Variants in PLEKHH1 observed in about 807,000 individuals in gnomAD.
PLEKHH1 encodes the protein pleckstrin homology, MyTH4 and FERM domain containing H1, also known as pleckstrin homology domain-containing family H member 1.
Under a neutral mutation model 160.0 loss-of-function variants are expected in PLEKHH1, and 104 were observed. The observed-to-expected ratio is 0.65, with a 90% CI of 0.55 to 0.76. The LOEUF is 0.76. Among genes scored for constraint, PLEKHH1 ranks in the 30% least tolerant of loss-of-function variants. The pLI, the probability that PLEKHH1 is intolerant of heterozygous loss-of-function variation, is 0.00. For synonymous variants in PLEKHH1, 619 were observed against 678.4 expected (o/e 0.91, Z 1.36); for missense variants, 1,427 against 1,724.1 (o/e 0.83, Z 3.05).
intron 26 of PLEKHH1, 40 bp downstream of exon 26, chr14:67,584,164 T>G: frequency 6.3e-7 from 1 of 1,595,012 alleles, no homozygotes; most frequent in Non-Finnish European, 8.6e-7. Context: ...CCCTTAGGTG[T>G]GTCCCCAACT....
At position 67,589,073 on chromosome 14, in the gene PLEKHH1, A is replaced by C. The variant is rs1034291786; in HGVS notation, c.*1838A>C. 3.3e-5 allele frequency: 5 copies of C among 152,764 alleles called. No individual in the cohort carries two copies. Among genetic ancestry groups the C allele is most frequent in the African/African-American group, 1.2e-4 (5 of 41,452 alleles). 9.5% of individuals were successfully genotyped at this position (152,764 alleles called of 1,614,324 possible). A position where few individuals can be genotyped will look rare whatever the true frequency, so the allele number is the denominator to read the frequency against. Reference sequence around the variant, plus strand: ...AATTCCTGCAGGGCTGGTGACAGACATAACAGCTCTGGTTTTATAATATCT... The same window carrying C: ...AATTCCTGCAGGGCTGGTGACAGACCTAACAGCTCTGGTTTTATAATATCT... On this transcript the variant is annotated 3_prime_UTR_variant, in exon 29 of 29. Coordinates refer to ENST00000329153, the MANE Select transcript of PLEKHH1 (RefSeq NM_020715.3).
intron 1 of PLEKHH1, among the ~76,000 whole-genome samples, chr14:67,540,367 T>C (rs2033915260): frequency 6.6e-6 from 1 of 152,160 alleles, no homozygotes; most frequent in Non-Finnish European, 1.5e-5. Context: ...GGCTCACACC[T>C]GTAATCCCAG....
intron 4 of PLEKHH1, among the ~76,000 whole-genome samples, chr14:67,559,228 A>G (rs1479533767): frequency 6.6e-6 from 1 of 151,856 alleles, no homozygotes. Flanking sequence ...AAGGTAACAC[A>G]TGCTTATAGT....
In PLEKHH1 at chr14:67,583,786, G is replaced by A; in HGVS notation, c.3472G>A (p.Gly1158Ser). The A allele has an allele frequency of 6.2e-7, 1 of 1,612,720 alleles. No individual in the cohort carries two copies. The highest frequency in any genetic ancestry group is 1.1e-5 in the South Asian group (1 of 90,804). The change falls in exon 25 of 29, where the codon GGC (glycine) becomes AGC (serine). Residue 1158 changes from glycine (G) to serine (S), a missense_variant. Gly to Ser is a moderately conservative substitution (Grantham distance 56). This residue lies in a region of PLEKHH1 where 436 missense variants were observed against 607.5 expected (regional missense o/e 0.72). Coordinates refer to ENST00000329153, the MANE Select transcript of PLEKHH1 (RefSeq NM_020715.3). The part of the protein sequence containing the change: ...LEKPALPGPG[G>S]TSPAKAQHLL... ...GAAGCCTGCCCTGCCAGGCCCTGGA[G>A]GCACATCCCCTGCCAAGGCTCAGCA...
At chr14:67,584,410 AT>A (rs1202004552) in intron 26 of PLEKHH1, among the ~76,000 whole-genome samples, 1 of 152,120 alleles carries the variant, frequency 6.6e-6, no homozygotes, top group South Asian at 2.1e-4. Context: ...GAGTGCTTTC[AT>A]TTTTTTTAAA....
Position 67,582,215 on chromosome 14 carries a change from G to A in PLEKHH1, c.3426+5G>A. 6.2e-7 allele frequency: 1 copy of A among 1,613,706 alleles called. No homozygotes were observed. Among genetic ancestry groups the A allele is most frequent in the Non-Finnish European group, 8.5e-7 (1 of 1,179,878 alleles). ...ATGGCTGCCCTGATGGCCCAGGTAA[G>A]GTTCTGTTCAGGAAGCAGGAGGGTC... is the stretch of plus-strand genomic sequence containing the variant. On this transcript the variant is annotated splice_donor_5th_base_variant and intron_variant, in intron 24 of 28. Coordinates refer to ENST00000329153, the MANE Select transcript of PLEKHH1 (RefSeq NM_020715.3). The surrounding 1 kb of genome is among the most constrained non-coding windows in gnomAD (Gnocchi z 5.0).
At chr14:67,572,811 T>G (rs1201404677) in intron 11 of PLEKHH1, among the ~76,000 whole-genome samples, 1 of 152,176 alleles carries the variant, frequency 6.6e-6, no homozygotes, top group Non-Finnish European at 1.5e-5. Flanking sequence ...ATCATCTCCC[T>G]GGCTCCATGA....
intron 7 of PLEKHH1, among the ~76,000 whole-genome samples, 171 bp downstream of exon 7, chr14:67,563,065 C>T (rs529098601): frequency 4.7e-4 from 72 of 152,334 alleles, no homozygotes; most frequent in African/African-American, 1.7e-3. Context: ...TGAGGGTCAG[C>T]GCCAGAATTC....
rs45515191 is a variant in PLEKHH1, at chr14:67,576,463, G to A, written c.2421G>A (p.Glu807=). The A allele has an allele frequency of 6.7e-3, 10,772 of 1,607,552 alleles. 61 individuals are homozygous for A. The highest frequency in any genetic ancestry group is 8.9e-3 in the Admixed American group (534 of 59,994). The change falls in exon 17 of 29, where the codon GAG becomes GAA. Residue 807 remains glutamate (E), a synonymous_variant. Coordinates refer to ENST00000329153, the MANE Select transcript of PLEKHH1 (RefSeq NM_020715.3). The surrounding 1 kb of genome is among the most constrained non-coding windows in gnomAD (Gnocchi z 4.0). ...GSSAKVGTAY[E]QLIGKLMDGE... is the part of the protein sequence containing the mutation. ...GTGCCAAGGTGGGCACTGCCTATGA[G>A]CAGCTCATTGGAAAACTGATGGATG...
Position 67,582,678 on chromosome 14 carries a change from A to G in PLEKHH1, c.3426+468A>G, listed in dbSNP as rs567077805. On this transcript the variant is annotated intron_variant, in intron 24 of 28. Transcript: ENST00000329153. The surrounding 1 kb of genome is among the most constrained non-coding windows in gnomAD (Gnocchi z 5.0). ...AAAAAAAATAAAATAAAATAAAATA[A>G]AAATAAAAATTAGCTGGGTGTGGTG... is the stretch of plus-strand genomic sequence containing the variant. Among the ~76,000 whole-genome samples the G allele has an allele frequency of 8.6e-4, 131 of 152,220 alleles. No homozygotes were observed. Among genetic ancestry groups the G allele is most frequent in the Admixed American group, 1.6e-3 (25 of 15,284 alleles).
chr14:67,579,233 G>A lies in PLEKHH1; in HGVS notation c.2949G>A (p.Val983=). ...CCAGGCCATCGCGCATGGAAGTGGT[G>A]TCCATCCTGCTGCGTAACCCCTTCC... ...REARPSRMEV[V]SILLRNPFHH... Residue 983 remains valine (V), a synonymous_variant, in exon 21 of 29, where the codon GTG becomes GTA. Coordinates refer to ENST00000329153, the MANE Select transcript of PLEKHH1 (RefSeq NM_020715.3). 6.2e-7 allele frequency: 1 copy of A among 1,610,586 alleles called. No individual in the cohort carries two copies. Among genetic ancestry groups the A allele is most frequent in the Non-Finnish European group, 8.5e-7 (1 of 1,178,644 alleles).
chr14:67,570,475 T>C lies in PLEKHH1; in HGVS notation c.1434+463T>C, dbSNP rs114207039. The C allele has an allele frequency of 7.0e-3, 1,265 of 181,614 alleles. 26 individuals are homozygous for C. The highest frequency in any genetic ancestry group is 0.028 in the African/African-American group (1,194 of 42,036). The allele number at this position is 181,614 out of a possible 1,614,324, so 11.3% of individuals were successfully genotyped here. A position where few individuals can be genotyped will look rare whatever the true frequency, so the allele number is the denominator to read the frequency against. ...TAGTAATACTTGATAAAATTTTTTATAGAAGAATAAAAAACCAAAAGTGAA... is the reference window on the plus strand; with the variant it reads ...TAGTAATACTTGATAAAATTTTTTACAGAAGAATAAAAAACCAAAAGTGAA... On this transcript the variant is annotated intron_variant, in intron 9 of 28. Coordinates refer to ENST00000329153, the MANE Select transcript of PLEKHH1 (RefSeq NM_020715.3).
At chr14:67,559,417 GACT>G (rs1566736792) in intron 4 of PLEKHH1, among the ~76,000 whole-genome samples, 188 bp from the exon 5 acceptor site, 2 of 152,094 alleles carry the variant, frequency 1.3e-5, no homozygotes, top group African/African-American at 4.8e-5. Flanking sequence ...TGAACACTTA[GACT>G]ATTTCCAGTT....
Position 67,578,102 on chromosome 14 carries a change from A to AG in PLEKHH1, c.2656dup (p.Val886GlyfsTer11). ...GTGTCCCTGGCCCAGACCGCACTGCAGGTCTGCCTGGTTCACCCCGAGCTG... is the reference window on the plus strand; with the variant it reads ...GTGTCCCTGGCCCAGACCGCACTGCAGGGTCTGCCTGGTTCACCCCGAGCTG... On this transcript the variant is annotated frameshift_variant, in exon 19 of 29. Coordinates refer to ENST00000329153, the MANE Select transcript of PLEKHH1 (RefSeq NM_020715.3). LOFTEE classifies it high-confidence loss of function. This position sits in a 1 kb window ranked among gnomAD's most constrained non-coding sequence, Gnocchi z 5.0. 1 of 1,613,332 alleles carries AG rather than the reference A, an allele frequency of 6.2e-7. No individual in the cohort carries two copies. Among genetic ancestry groups the AG allele is most frequent in the Non-Finnish European group, 8.5e-7 (1 of 1,179,358 alleles).
intron 17 of PLEKHH1, 93 bp from the exon 18 acceptor site, chr14:67,577,209 A>G (rs929250754): frequency 3.7e-6 from 3 of 815,692 alleles, no homozygotes; most frequent in South Asian, 1.5e-5. Flanking sequence ...ATAAACCACT[A>G]TCTTCCCCAT....
chr14:67,573,385 C>G lies in PLEKHH1; in HGVS notation c.1838C>G (p.Pro613Arg). The part of the protein sequence containing the change: ...RQGQIMYYKS[P>R]SDVIRKPQGQ... Reference sequence around the variant, plus strand: ...GGACAGATTATGTACTACAAGTCCCCGGTGAGAGTCTCCCCGCCCAGCACT... The same window carrying G: ...GGACAGATTATGTACTACAAGTCCCGGGTGAGAGTCTCCCCGCCCAGCACT... The change falls in exon 12 of 29, where the codon CCG becomes CGG. Residue 613 changes from proline to arginine, a missense_variant and splice_region_variant. Pro to Arg is a moderately radical substitution (Grantham distance 103). Transcript: ENST00000329153. The surrounding 1 kb of genome is among the most constrained non-coding windows in gnomAD (Gnocchi z 4.8). The G allele has an allele frequency of 6.4e-7, 1 of 1,560,490 alleles. No homozygotes were observed. The highest frequency in any genetic ancestry group is 8.8e-7 in the Non-Finnish European group (1 of 1,131,222).
chr14:67,586,350 CT>C (rs1335583060), intron 28 of PLEKHH1: 1 of 1,434,908 alleles, frequency 7.0e-7, no homozygotes, highest in Non-Finnish European at 9.3e-7. Context: ...TTCACTTTTT[CT>C]TTTTTATTCT....
chr14:67,581,954 A>G, intron 23 of PLEKHH1, 115 bp from the exon 24 acceptor site: 3 of 1,033,808 alleles, frequency 2.9e-6, no homozygotes, highest in Non-Finnish European at 4.2e-6. Context: ...AGGCTCATAA[A>G]TAGTGGGAAA....
chr14:67,577,692 A>G (rs1028996097), intron 18 of PLEKHH1, among the ~76,000 whole-genome samples: 3 of 152,162 alleles, frequency 2.0e-5, no homozygotes, highest in Admixed American at 1.3e-4. Context: ...GGCGAGGTTT[A>G]TGTTGCTTCT....
Sources: gnomAD v4.1 joint callset for allele counts (sites outside exome capture counted in the v4.1 genomes callset) on GRCh38, gnomAD v4.1.1 for gene constraint, gnomAD v4.1.1 regional missense constraint, Gnocchi (gnomAD v3.1) non-coding constraint, MANE v1.5 for transcripts, NCBI Gene and HGNC (gene_info 2026-07-23, HGNC 2026-07-21) for gene names.